Variants in DYDC2 observed in about 807,000 individuals in gnomAD.
DYDC2 encodes DPY30 domain-containing protein 2.
DYDC2 carries 19 observed loss-of-function variants against 18.7 expected under a neutral mutation model. The ratio of observed to expected loss-of-function variants is 1.02; its 90% CI spans 0.71 to 1.49. DYDC2 has a LOEUF of 1.49. DYDC2 is among the 40% of genes most tolerant of loss of function. The pLI, the probability that DYDC2 is intolerant of heterozygous loss-of-function variation, is 0.00. For synonymous variants in DYDC2, 63 were observed against 67.6 expected, an observed-to-expected ratio of 0.93 and a Z score of 0.34; for missense variants, 179 against 205.1, an observed-to-expected ratio of 0.87 and a Z score of 0.78.
intron 1 of DYDC2, 116 bp from the exon 2 acceptor site, chr10:80,357,777 C>G (rs1843478665): frequency 1.0e-6 from 1 of 985,158 alleles, no homozygotes; most frequent in East Asian, 1.1e-4. Flanking sequence ...GCAAGAGAGG[C>G]CTTAATAGAT....
chr10:80,360,955 T>G (rs1021102814), intron 2 of DYDC2, among the ~76,000 whole-genome samples: 10 of 152,048 alleles, frequency 6.6e-5, no homozygotes, highest in African/African-American at 2.4e-4. Flanking sequence ...GTATTTTTTG[T>G]GGAGACAGGG....
chr10:80,362,394 A>C, intron 2 of DYDC2, 41 bp from the exon 3 acceptor site: 2 of 1,585,042 alleles, frequency 1.3e-6, no homozygotes, highest in Non-Finnish European at 1.7e-6. Flanking sequence ...ATATCAGATT[A>C]AGTTTGTAAA....
chr10:80,356,919 G>C (rs554820938), intron 1 of DYDC2, 94 bp downstream of exon 1: 58 of 935,396 alleles, frequency 6.2e-5, no homozygotes, highest in Non-Finnish European at 6.4e-5. Flanking sequence ...GAGTAGAGGG[G>C]GCGCGGCAGA....
chr10:80,358,638 C>T (rs769430954), intron 2 of DYDC2, among the ~76,000 whole-genome samples: 1 of 152,152 alleles, frequency 6.6e-6, no homozygotes, highest in Non-Finnish European at 1.5e-5. Context: ...AAGGACAGTT[C>T]TACAGTGATC....
intron 2 of DYDC2, among the ~76,000 whole-genome samples, chr10:80,359,362 GTATT>G (rs1378656187): frequency 6.7e-6 from 1 of 150,308 alleles, no homozygotes; most frequent in Non-Finnish European, 1.5e-5. Context: ...GCTGATTGGT[GTATT>G]TACAATCCCT....
At chr10:80,346,973 A>C (rs1589510072) in intron 1 of DYDC2, among the ~76,000 whole-genome samples, 1 of 151,934 alleles carries the variant, frequency 6.6e-6, no homozygotes, top group African/African-American at 2.4e-5. Context: ...CCAGCTACTC[A>C]GGAGGCTGAG....
chr10:80,361,873 T>G (rs936965201), intron 2 of DYDC2, among the ~76,000 whole-genome samples: 5 of 152,218 alleles, frequency 3.3e-5, no homozygotes, highest in African/African-American at 9.6e-5. Flanking sequence ...TGCCCCAGCC[T>G]TGGAATCAGC....
intron 2 of DYDC2, among the ~76,000 whole-genome samples, chr10:80,359,942 G>A (rs182568377): frequency 4.6e-5 from 7 of 152,344 alleles, no homozygotes; most frequent in East Asian, 1.9e-4. Flanking sequence ...ACAGTGCAGC[G>A]GCGGGCTGAA....
chr10:80,360,592 C>T (rs962770323), intron 2 of DYDC2, among the ~76,000 whole-genome samples: 4 of 152,090 alleles, frequency 2.6e-5, no homozygotes, highest in Non-Finnish European at 4.4e-5. Context: ...CATTTGGGAG[C>T]CATTATTCAG....
chr10:80,353,073 A>G (rs1274159961), upstream of DYDC2, among the ~76,000 whole-genome samples: 1 of 151,952 alleles, frequency 6.6e-6, no homozygotes, highest in Non-Finnish European at 1.5e-5. Context: ...CAAAACCCTA[A>G]CCCTAAAGAC....
chr10:80,366,592 C>A, intron 4 of DYDC2, 96 bp from the exon 5 acceptor site: 1 of 1,428,824 alleles, frequency 7.0e-7, no homozygotes, highest in Non-Finnish European at 9.4e-7. Flanking sequence ...GGTTCTTAGT[C>A]TCTGGCATGA....
At chr10:80,358,183 G>C in intron 2 of DYDC2, 138 bp downstream of exon 2, 1 of 518,842 alleles carries the variant, frequency 1.9e-6, no homozygotes, top group Non-Finnish European at 2.5e-6. Context: ...TTCAAAACCA[G>C]CCTGGCCAAC....
upstream of DYDC2, among the ~76,000 whole-genome samples, chr10:80,354,694 T>C (rs1843250415): frequency 6.6e-6 from 1 of 152,000 alleles, no homozygotes; most frequent in Admixed American, 6.6e-5. Flanking sequence ...AATGCCCTTA[T>C]AAAAAGAGAT....
upstream of DYDC2, chr10:80,351,991 T>C (rs755405371): frequency 2.5e-6 from 4 of 1,613,962 alleles, no homozygotes; most frequent in African/African-American, 4.0e-5. Flanking sequence ...GCTTGGCCAT[T>C]TCCTTTTGTC....
Position 80,356,790 on chromosome 10 carries a change from T to G in DYDC2, c.-198T>G. On this transcript the variant is annotated 5_prime_UTR_variant, in exon 1 of 5. Coordinates refer to ENST00000256039, the MANE Select transcript of DYDC2 (RefSeq NM_032372.6). ...CGAGAGCTCGCGCCTCAGGAGCCAG[T>G]GTAGGCGCCGCAAAGCGGAAGGGGC... is the stretch of plus-strand genomic sequence containing the variant. The G allele has an allele frequency of 9.1e-6, 9 of 985,386 alleles. No individual in the cohort carries two copies. The highest frequency in any genetic ancestry group is 1.1e-5 in the Non-Finnish European group (9 of 830,056). 61.0% of individuals were successfully genotyped at this position (985,386 alleles called of 1,614,324 possible).
At chr10:80,352,315 T>C, upstream of DYDC2, 2 of 1,244,840 alleles carry the variant, frequency 1.6e-6, no homozygotes, top group Non-Finnish European at 2.1e-6. Context: ...TTCTCCTTCC[T>C]GCTTTTCATG....
At chr10:80,361,827 G>A (rs1477469803) in intron 2 of DYDC2, among the ~76,000 whole-genome samples, 1 of 152,066 alleles carries the variant, frequency 6.6e-6, no homozygotes, top group African/African-American at 2.4e-5. Flanking sequence ...TTACTTTCTG[G>A]CACAACAAAA....
chr10:80,356,909 G>A (rs1374861883), intron 1 of DYDC2, 84 bp downstream of exon 1: 2 of 954,942 alleles, frequency 2.1e-6, no homozygotes, highest in Non-Finnish European at 2.5e-6. Flanking sequence ...GCAGGCGGCA[G>A]AGTAGAGGGG....
chr10:80,356,630 C>T, upstream of DYDC2: 1 of 985,392 alleles, frequency 1.0e-6, no homozygotes, highest in Non-Finnish European at 1.2e-6. Context: ...GCCCAACGGT[C>T]AGAACCGCCT....
Sources: gnomAD v4.1 joint callset for allele counts (sites outside exome capture counted in the v4.1 genomes callset) on GRCh38, gnomAD v4.1.1 for gene constraint, MANE v1.5 for transcripts, NCBI Gene and HGNC (gene_info 2026-07-23, HGNC 2026-07-21) for gene names.